The following SLC44A1 variants were observed in gnomAD, a reference collection of about 807,000 sequenced individuals.
SLC44A1 encodes solute carrier family 44 member 1, also known as choline transporter-like protein 1.
Under a neutral mutation model 79.3 loss-of-function variants are expected in SLC44A1, and 26 were observed. That is an observed-to-expected ratio of 0.33 (90% CI 0.24 to 0.46). The LOEUF (loss-of-function observed/expected upper bound fraction) is 0.46. Ranked by LOEUF, SLC44A1 falls within the 20% of genes least tolerant of loss-of-function variation. The probability of loss-of-function intolerance (pLI) is 1.00; values close to 1 mark genes in which losing one functional copy is unlikely to be tolerated. For missense variants in SLC44A1, 688 were observed against 798.1 expected (o/e 0.86, Z 1.66); for synonymous variants, 263 against 286.2 (o/e 0.92, Z 0.82).
chr9:105,323,519 C>T (rs2131336270), intron 3 of SLC44A1, among the ~76,000 whole-genome samples: 1 of 152,204 alleles, frequency 6.6e-6, no homozygotes, highest in Admixed American at 6.5e-5. Flanking sequence ...GAGTAAAGAT[C>T]ATAAATCATG....
intron 12 of SLC44A1, among the ~76,000 whole-genome samples, chr9:105,369,957 G>A (rs1168878068): frequency 6.6e-6 from 1 of 152,236 alleles, no homozygotes; most frequent in Non-Finnish European, 1.5e-5. Flanking sequence ...TTCCTGGATG[G>A]TGGTCATCCT....
intron 3 of SLC44A1, among the ~76,000 whole-genome samples, chr9:105,319,890 A>G (rs539256122): frequency 2.0e-5 from 3 of 152,356 alleles, no homozygotes; most frequent in African/African-American, 7.2e-5. Context: ...TATAACTTAC[A>G]TATAGTAAAA....
intron 1 of SLC44A1, among the ~76,000 whole-genome samples, chr9:105,282,655 TCTC>T (rs1830382359): frequency 1.3e-5 from 2 of 152,232 alleles, no homozygotes; most frequent in South Asian, 2.1e-4. Context: ...TTCAACCAAT[TCTC>T]CTGCCTCAGC....
chr9:105,314,015 C>T (rs1831252263), intron 3 of SLC44A1, among the ~76,000 whole-genome samples: 1 of 152,056 alleles, frequency 6.6e-6, no homozygotes, highest in Non-Finnish European at 1.5e-5. Context: ...CTGTCCACCT[C>T]GACCTCCCAA....
rs62575080 is a variant in SLC44A1, at chr9:105,371,402, A to G, written c.1495-3196A>G. Among the ~76,000 whole-genome samples the G allele has an allele frequency of 1.6e-3, 245 of 152,352 alleles. 2 individuals carry two copies. Among genetic ancestry groups the G allele is most frequent in the South Asian group, 0.012 (56 of 4,828 alleles). On this transcript the variant is annotated intron_variant, in intron 12 of 15. Transcript: ENST00000374720. ...CATAGACAATATGTAAACAATGAGC[A>G]CAGTTATGTGCCAGTAAAACTTTAT...
chr9:105,331,833 A>G (rs942595960), intron 3 of SLC44A1, among the ~76,000 whole-genome samples: 2 of 152,218 alleles, frequency 1.3e-5, no homozygotes, highest in Non-Finnish European at 2.9e-5. Flanking sequence ...GTTTGAATTC[A>G]TGCTTTGGCA....
intron 12 of SLC44A1, among the ~76,000 whole-genome samples, chr9:105,373,000 CTCTT>C (rs1828160376): frequency 6.6e-6 from 1 of 151,674 alleles, no homozygotes; most frequent in South Asian, 2.1e-4. Flanking sequence ...GTACAATACT[CTCTT>C]TGGCTCTGAA....
chr9:105,353,935 C>CATCCAGACA (rs962499235), intron 5 of SLC44A1, among the ~76,000 whole-genome samples: 4 of 151,136 alleles, frequency 2.6e-5, no homozygotes, highest in Non-Finnish European at 5.9e-5. Context: ...GCAGAGATGG[C>CATCCAGACA]ATCCAGACAA....
intron 4 of SLC44A1, among the ~76,000 whole-genome samples, chr9:105,340,493 T>G (rs1375438558): frequency 6.6e-6 from 1 of 152,220 alleles, no homozygotes; most frequent in Non-Finnish European, 1.5e-5. Flanking sequence ...GAACTTAATG[T>G]CACTGCACTG....
intron 1 of SLC44A1, among the ~76,000 whole-genome samples, chr9:105,275,442 G>C (rs769885761): frequency 2.0e-5 from 3 of 152,160 alleles, no homozygotes; most frequent in Admixed American, 2.0e-4. Context: ...CTTGAATTTT[G>C]TTCATGAAAA....
rs776342727 is a variant in SLC44A1, at chr9:105,374,740, A to G, written c.1632+5A>G. 6.2e-7 allele frequency: 1 copy of G among 1,601,094 alleles called. No homozygotes were observed. Among genetic ancestry groups the G allele is most frequent in the Non-Finnish European group, 8.5e-7 (1 of 1,173,372 alleles). ...TTTATGTTATTCCTTGGCAAGGTAAAACCAAGTATTTTTTCTGCAACATAC... is the reference window on the plus strand; with the variant it reads ...TTTATGTTATTCCTTGGCAAGGTAAGACCAAGTATTTTTTCTGCAACATAC... On this transcript the variant is annotated splice_donor_5th_base_variant and intron_variant, in intron 13 of 15. Transcript: ENST00000374720.
chr9:105,336,116 A>G (rs1349547709), intron 4 of SLC44A1, among the ~76,000 whole-genome samples: 5 of 149,002 alleles, frequency 3.4e-5, no homozygotes, highest in Non-Finnish European at 5.9e-5. Flanking sequence ...ATATACATAC[A>G]TATGTGTGTG....
Position 105,392,395 on chromosome 9 carries a change from CTCTCTCTCTTTTTTT to C in SLC44A1, c.*3341_*3355del. 1 of 886,926 alleles carries C rather than the reference CTCTCTCTCTTTTTTT, an allele frequency of 1.1e-6. No individual in the cohort carries two copies. Among genetic ancestry groups the C allele is most frequent in the Non-Finnish European group, 1.3e-6 (1 of 772,564 alleles). 54.9% of individuals were successfully genotyped at this position (886,926 alleles called of 1,614,324 possible). A position where few individuals can be genotyped will look rare whatever the true frequency, so the allele number is the denominator to read the frequency against. ...TTTCTTTTGTAGAGATGCTCTCTCT[CTCTCTCTCTTTTTTT>C]TTTTTTTTTTTTTTTTTTTTCCGTG... is the stretch of plus-strand genomic sequence containing the variant. On this transcript the variant is annotated 3_prime_UTR_variant, in exon 16 of 16. Transcript: ENST00000374720.
At chr9:105,252,996 C>G (rs114624657) in intron 1 of SLC44A1, among the ~76,000 whole-genome samples, 1,768 of 152,208 alleles carry the variant, frequency 0.012, 34 homozygotes, top group African/African-American at 0.041. Context: ...TGGGGGACTC[C>G]TTTGTAATTG....
Position 105,424,140 on chromosome 9 carries a change from T to C in SLC44A1, c.1951-14141T>C, listed in dbSNP as rs564542556. The stretch of plus-strand genomic sequence containing the variant: ...TGCAATCAGTACAATCTTTAGATCC[T>C]GAACACCAGGCTCCCTGCTCTTGCC... On this transcript the variant is annotated intron_variant, in intron 15 of 15. Transcript: ENST00000374724. 5.3e-5 allele frequency among the ~76,000 whole-genome samples: 8 copies of C among 152,350 alleles called. 1 individual carries two copies. Among genetic ancestry groups the C allele is most frequent in the African/African-American group, 1.7e-4 (7 of 41,586 alleles).
chr9:105,417,397 C>G (rs1829185317), intron 15 of SLC44A1, among the ~76,000 whole-genome samples: 1 of 152,096 alleles, frequency 6.6e-6, no homozygotes, highest in African/African-American at 2.4e-5. Context: ...TTGTTTCACC[C>G]TCCTCCCTCC....
At chr9:105,348,920 A>G (rs1827321220) in intron 5 of SLC44A1, among the ~76,000 whole-genome samples, 1 of 152,120 alleles carries the variant, frequency 6.6e-6, no homozygotes, top group South Asian at 2.1e-4. Context: ...TTTTTAGGTA[A>G]CATTCTCTGT....
At position 105,244,773 on chromosome 9, in the gene SLC44A1, C is replaced by T. The variant is rs1163826644; in HGVS notation, c.-96C>T. On this transcript the variant is annotated 5_prime_UTR_variant, in exon 1 of 16. Coordinates refer to ENST00000374720, the MANE Select transcript of SLC44A1 (RefSeq NM_080546.5). ...CGCCGCCTAGCCGTGCGGTGCCAGG[C>T]CGCGCCCTCCCCGGGCGCCCGCCGG... is the stretch of plus-strand genomic sequence containing the variant. 55 of 679,768 alleles carry T rather than the reference C, an allele frequency of 8.1e-5. No individual in the cohort carries two copies. In the East Asian group the frequency reaches 2.2e-3, roughly 27 times the overall value. 42.1% of individuals were successfully genotyped at this position (679,768 alleles called of 1,614,324 possible). A position where few individuals can be genotyped will look rare whatever the true frequency, so the allele number is the denominator to read the frequency against.
chr9:105,329,565 G>A (rs566544476), intron 3 of SLC44A1, among the ~76,000 whole-genome samples: 191 of 152,218 alleles, frequency 1.3e-3, no homozygotes, highest in African/African-American at 4.5e-3. Context: ...CCTTCAATTC[G>A]AGGGGCTGGC....
Sources: allele counts gnomAD v4.1 joint callset (sites outside exome capture counted in the v4.1 genomes callset), GRCh38; gene constraint gnomAD v4.1.1; transcripts MANE v1.5; gene names NCBI Gene and HGNC (gene_info 2026-07-23, HGNC 2026-07-21).